MLLT3: variants seen among roughly 807,000 people sequenced by gnomAD.
MLLT3 encodes protein AF-9.
In MLLT3, 4 loss-of-function variants were observed where a neutral mutation model predicts 53.2. The observed-to-expected ratio is 0.08, with a 90% CI of 0.04 to 0.17. The LOEUF (loss-of-function observed/expected upper bound fraction) is 0.17. Among genes scored for constraint, MLLT3 ranks in the 10% least tolerant of loss-of-function variants. The probability of loss-of-function intolerance (pLI) is 1.00; values close to 1 mark genes in which losing one functional copy is unlikely to be tolerated. For synonymous variants in MLLT3, 283 were observed against 230.6 expected (o/e 1.23, Z -2.06); for missense variants, 569 against 684.0 (o/e 0.83, Z 1.87).
chr9:20,509,227 A>G (rs951556160), intron 2 of MLLT3, among the ~76,000 whole-genome samples: 1 of 152,146 alleles, frequency 6.6e-6, no homozygotes, highest in African/African-American at 2.4e-5. Flanking sequence ...AGCACAAATC[A>G]CTGAAGTCTA....
At chr9:20,468,525 G>A (rs1410837792) in intron 2 of MLLT3, among the ~76,000 whole-genome samples, 1 of 152,088 alleles carries the variant, frequency 6.6e-6, no homozygotes, top group Non-Finnish European at 1.5e-5. Flanking sequence ...ACTAAAGCAG[G>A]AACACTGAAA....
intron 2 of MLLT3, among the ~76,000 whole-genome samples, chr9:20,471,851 T>C (rs923490424): frequency 6.6e-6 from 1 of 151,238 alleles, no homozygotes; most frequent in Non-Finnish European, 1.5e-5. Context: ...TTTTTTTGGA[T>C]AGAAAACTCT....
At position 20,430,540 on chromosome 9, in the gene MLLT3, G is replaced by A. The variant is rs369736295; in HGVS notation, c.421-16115C>T. Among the ~76,000 whole-genome samples, 17 of 152,202 alleles carry A rather than the reference G, an allele frequency of 1.1e-4. No homozygotes were observed. The South Asian group carries it at 3.5e-3, about 32-fold the overall frequency. On this transcript the variant is annotated intron_variant, in intron 4 of 10. Transcript: ENST00000380338. ...AAGCATAGACAACGCAATAAAACAT[G>A]CTGGAGCTGGTTTCCTATATAGGAA...
intron 2 of MLLT3, among the ~76,000 whole-genome samples, chr9:20,553,390 A>G (rs1818975937): frequency 6.6e-6 from 1 of 152,202 alleles, no homozygotes; most frequent in Middle Eastern, 3.2e-3. Context: ...AACAAAGGAC[A>G]GCTGACAAGC....
At chr9:20,556,808 T>TATA (rs1224863471) in intron 2 of MLLT3, among the ~76,000 whole-genome samples, 4 of 152,172 alleles carry the variant, frequency 2.6e-5, no homozygotes, top group Non-Finnish European at 5.9e-5. Flanking sequence ...GAATGGTGGC[T>TATA]GGTATGACAA....
chr9:20,577,882 T>C (rs1338862496), intron 2 of MLLT3, among the ~76,000 whole-genome samples: 3 of 152,216 alleles, frequency 2.0e-5, no homozygotes, highest in Non-Finnish European at 2.9e-5. Flanking sequence ...ACATAGCAGT[T>C]TTCCTGGCTG....
At chr9:20,535,959 C>G (rs1281957224) in intron 2 of MLLT3, among the ~76,000 whole-genome samples, 1 of 152,038 alleles carries the variant, frequency 6.6e-6, no homozygotes, top group Non-Finnish European at 1.5e-5. Context: ...CTAAACAAAA[C>G]TTGTAAGGAC....
At chr9:20,522,796 G>T (rs769326910) in intron 2 of MLLT3, among the ~76,000 whole-genome samples, 4 of 152,052 alleles carry the variant, frequency 2.6e-5, no homozygotes, top group Non-Finnish European at 4.4e-5. Flanking sequence ...GCCCAGTGCA[G>T]TAGCTAACAC....
In MLLT3 at chr9:20,498,618, A is replaced by G. The variant is rs181426818; in HGVS notation, c.194-41832T>C. Among the ~76,000 whole-genome samples, 608 of 152,276 alleles carry G rather than the reference A, an allele frequency of 4.0e-3. 6 individuals carry two copies. Among genetic ancestry groups the G allele is most frequent in the South Asian group, 0.02 (98 of 4,828 alleles). ...AATTTGTAAACTTTCTTAAAACATT[A>G]TGAGATTTTTTTGTGTGTGATTTGT... On this transcript the variant is annotated intron_variant, in intron 2 of 10. Coordinates refer to ENST00000380338, the MANE Select transcript of MLLT3 (RefSeq NM_004529.4).
chr9:20,366,801 G>C (rs1040208877), intron 5 of MLLT3, among the ~76,000 whole-genome samples: 5 of 152,066 alleles, frequency 3.3e-5, no homozygotes, highest in Admixed American at 3.3e-4. Flanking sequence ...ACATTTATGC[G>C]GCCAACAAAC....
chr9:20,405,984 C>T (rs985540396), intron 5 of MLLT3, among the ~76,000 whole-genome samples: 2 of 151,800 alleles, frequency 1.3e-5, no homozygotes, highest in Non-Finnish European at 2.9e-5. Context: ...TGGTGGTATG[C>T]GCCTGTGATT....
chr9:20,477,263 T>C lies in MLLT3; in HGVS notation c.194-20477A>G, dbSNP rs1563777284. 2.0e-5 allele frequency among the ~76,000 whole-genome samples: 3 copies of C among 152,290 alleles called. No homozygotes were observed. In the South Asian group the frequency reaches 6.2e-4, roughly 32 times the overall value. ...ACTTTAAGGTTTGCTCTATTTGTCA[T>C]GATTGGAAATTTCAAGGCTCTTTTT... On this transcript the variant is annotated intron_variant, in intron 2 of 10. Coordinates refer to ENST00000380338, the MANE Select transcript of MLLT3 (RefSeq NM_004529.4).
chr9:20,486,465 A>G (rs959312112), intron 2 of MLLT3, among the ~76,000 whole-genome samples: 2 of 152,204 alleles, frequency 1.3e-5, no homozygotes, highest in East Asian at 1.9e-4. Context: ...CTAATTTTCT[A>G]TACCTTTAAC....
In MLLT3 at chr9:20,621,768, C is replaced by G; in HGVS notation, c.12+477G>C. On this transcript the variant is annotated intron_variant, in intron 1 of 10. Transcript: ENST00000380338. This position sits in a 1 kb window ranked among gnomAD's most constrained non-coding sequence, Gnocchi z 7.0. ...GCTCACACACGCGCGCCGCGGAGAA[C>G]GCACCATCGTAGCGGCCGCGGCGCT... is the stretch of plus-strand genomic sequence containing the variant. 1 of 1,487,506 alleles carries G rather than the reference C, an allele frequency of 6.7e-7. No homozygotes were observed. The highest frequency in any genetic ancestry group is 8.9e-7 in the Non-Finnish European group (1 of 1,127,348). 92.1% of individuals were successfully genotyped at this position (1,487,506 alleles called of 1,614,324 possible).
intron 3 of MLLT3, among the ~76,000 whole-genome samples, chr9:20,453,566 A>T (rs987900777): frequency 6.6e-6 from 1 of 152,148 alleles, no homozygotes; most frequent in African/African-American, 2.4e-5. Flanking sequence ...CCACCAAAAC[A>T]AAACAAAACC....
At chr9:20,590,178 A>G (rs900249634) in intron 2 of MLLT3, among the ~76,000 whole-genome samples, 10 of 152,168 alleles carry the variant, frequency 6.6e-5, no homozygotes, top group Admixed American at 6.5e-4. Flanking sequence ...CTGTAATTAC[A>G]CACATTTCAA....
chr9:20,356,242 CT>C (rs1279079702), intron 8 of MLLT3, among the ~76,000 whole-genome samples: 3 of 152,086 alleles, frequency 2.0e-5, no homozygotes, highest in African/African-American at 4.8e-5. Context: ...GACAATCATG[CT>C]TTTTTTCATC....
At chr9:20,349,643 C>A (rs1368848298) in intron 10 of MLLT3, among the ~76,000 whole-genome samples, 1 of 151,992 alleles carries the variant, frequency 6.6e-6, no homozygotes, top group East Asian at 1.9e-4. Context: ...ATAAAAAAAT[C>A]CCTTCTAGAA....
intron 2 of MLLT3, among the ~76,000 whole-genome samples, chr9:20,469,872 G>T (rs187416023): frequency 1.4e-3 from 208 of 152,108 alleles, no homozygotes; most frequent in African/African-American, 4.7e-3. Flanking sequence ...TGAATCGACT[G>T]GAACTTAGGT....
Sources: gnomAD v4.1 joint callset for allele counts (sites outside exome capture counted in the v4.1 genomes callset) on GRCh38, gnomAD v4.1.1 for gene constraint, Gnocchi (gnomAD v3.1) non-coding constraint, MANE v1.5 for transcripts, NCBI Gene and HGNC (gene_info 2026-07-23, HGNC 2026-07-21) for gene names.